HYDIN: variants seen among roughly 807,000 people sequenced by gnomAD.
HYDIN encodes the protein axonemal central pair apparatus protein HYDIN.
Under a neutral mutation model 403.9 loss-of-function variants are expected in HYDIN, and 132 were observed. The ratio of observed to expected loss-of-function variants is 0.33; its 90% CI spans 0.28 to 0.38. The LOEUF (loss-of-function observed/expected upper bound fraction) is 0.38. Among genes scored for constraint, HYDIN ranks in the 10% least tolerant of loss-of-function variants. The probability of loss-of-function intolerance (pLI) is 1.00; values close to 1 mark genes in which losing one functional copy is unlikely to be tolerated. For synonymous variants in HYDIN, 1,202 were observed against 1,891.7 expected (o/e 0.64, Z 9.46); for missense variants, 2,827 against 5,009.5 (o/e 0.56, Z 13.15).
chr16:70,981,656 T>A, intron 28 of HYDIN, 88 bp from the exon 29 acceptor site: 1 of 1,435,252 alleles, frequency 7.0e-7, no homozygotes, highest in Non-Finnish European at 9.2e-7. Context: ...ACAACAACAA[T>A]GACAAAGTAA....
rs778279482 is a variant in HYDIN, at chr16:70,943,937, G to C, written c.6544C>G (p.Pro2182Ala). The C allele has an allele frequency of 1.9e-5, 31 of 1,607,704 alleles. No homozygotes were observed. Among genetic ancestry groups the C allele is most frequent in the South Asian group, 5.6e-5 (5 of 89,872 alleles). Reference protein sequence around the residue: ...QSETPQISSSPLPPGPIHRWL... With the variant: ...QSETPQISSSALPPGPIHRWL... ...CGGTGGATGGGCCCCGGGGGGAGAGGGCTGGAGGAAATCTGTTGAGTGGGA... is the reference window on the plus strand; with the variant it reads ...CGGTGGATGGGCCCCGGGGGGAGAGCGCTGGAGGAAATCTGTTGAGTGGGA... The change falls in exon 42 of 86, where the codon CCT becomes GCT. Residue 2182 changes from proline to alanine, a missense_variant. By Grantham distance (27) the Pro-to-Ala change is conservative. Coordinates refer to ENST00000393567, the MANE Select transcript of HYDIN (RefSeq NM_001270974.2).
At chr16:71,031,477 G>C in intron 19 of HYDIN, 2 of 1,370,932 alleles carry the variant, frequency 1.5e-6, no homozygotes, top group Admixed American at 3.1e-5. Flanking sequence ...ACACGGATTA[G>C]AGAATGCAAC....
intron 30 of HYDIN, among the ~76,000 whole-genome samples, chr16:70,976,735 T>C (rs995822556): frequency 2.6e-5 from 4 of 152,180 alleles, no homozygotes; most frequent in Admixed American, 2.0e-4. Context: ...ATTTTGTATA[T>C]AATAAATAAA....
intron 58 of HYDIN, among the ~76,000 whole-genome samples, chr16:70,888,905 T>G (rs1177048189): frequency 6.6e-6 from 1 of 152,304 alleles, no homozygotes; most frequent in African/African-American, 2.4e-5. Context: ...CTAGGTTAAC[T>G]GTTGTCTTTT....
chr16:70,803,047 G>A lies in HYDIN; in HGVS notation c.*4533C>T, dbSNP rs772604014. On this transcript the variant is annotated 3_prime_UTR_variant, in exon 86 of 86. Transcript: ENST00000393567. ...CAATGTGTGTGCATTTCCACGGGAC[G>A]CATATCTAATATATTTCATGTTTCT... Among the ~76,000 whole-genome samples, 6 of 152,122 alleles carry A rather than the reference G, an allele frequency of 3.9e-5. No homozygotes were observed. Among genetic ancestry groups the A allele is most frequent in the Non-Finnish European group, 7.4e-5 (5 of 68,024 alleles).
rs539727591 is a variant in HYDIN at position 71,077,168 on chromosome 16, C to T, written c.1738+2717G>A. On this transcript the variant is annotated intron_variant, in intron 13 of 85. Transcript: ENST00000393567. ...TTTCACATTGAGCATGTGTAAATTC[C>T]CCTGTAGTCATGGCTTTGTTTCTAT... Among the ~76,000 whole-genome samples the T allele has an allele frequency of 1.2e-3, 175 of 151,576 alleles. 3 individuals carry two copies. In the South Asian group the frequency reaches 0.032, roughly 28 times the overall value.
intron 41 of HYDIN, among the ~76,000 whole-genome samples, chr16:70,948,151 C>T (rs1175732457): frequency 1.3e-4 from 19 of 148,832 alleles, no homozygotes; most frequent in Non-Finnish European, 1.3e-4. Context: ...GAAATAACAC[C>T]GCATATCTAC....
At chr16:71,139,095 G>GAAAAAAA (rs71758936) in intron 7 of HYDIN, among the ~76,000 whole-genome samples, 17 of 103,806 alleles carry the variant, frequency 1.6e-4, no homozygotes, top group East Asian at 6.1e-4. Context: ...AAATAAAGAA[G>GAAAAAAA]AAAAAAAAAA....
At position 70,904,029 on chromosome 16, in the gene HYDIN, G is replaced by A. The variant is rs377315163; in HGVS notation, c.8552C>T (p.Thr2851Met). ...KSSLFPGNMETLTILNTSLMV... is the reference protein window; with the variant it reads ...KSSLFPGNMEMLTILNTSLMV... ...TAAGGAAGTGTTCAGGATTGTTAGCGTCTCCATGTTGCCTGGGAATAAGGA... is the reference window on the plus strand; with the variant it reads ...TAAGGAAGTGTTCAGGATTGTTAGCATCTCCATGTTGCCTGGGAATAAGGA... The change falls in exon 51 of 86, where the codon ACG becomes ATG. Residue 2851 changes from threonine to methionine, a missense_variant. Thr to Met is a moderately conservative substitution (Grantham distance 81). Coordinates refer to ENST00000393567, the MANE Select transcript of HYDIN (RefSeq NM_001270974.2). The A allele has an allele frequency of 3.3e-5, 48 of 1,457,608 alleles. No individual in the cohort carries two copies. The highest frequency in any genetic ancestry group is 4.9e-5 in the South Asian group (4 of 81,934). 90.3% of individuals were successfully genotyped at this position (1,457,608 alleles called of 1,614,324 possible).
chr16:70,959,041 T>C (rs539368187), intron 39 of HYDIN, among the ~76,000 whole-genome samples: 3 of 151,970 alleles, frequency 2.0e-5, no homozygotes, highest in South Asian at 2.1e-4. Flanking sequence ...CAAATTACTA[T>C]ACAAATAAGA....
intron 12 of HYDIN, chr16:71,080,885 T>C (rs1349658606): frequency 6.6e-6 from 1 of 151,390 alleles, no homozygotes; most frequent in African/African-American, 2.4e-5. Flanking sequence ...AGTGCTGCAA[T>C]CTGAGAACTC....
At chr16:71,002,953 T>C (rs377673239) in intron 23 of HYDIN, among the ~76,000 whole-genome samples, 2,207 of 152,132 alleles carry the variant, frequency 0.015, 55 homozygotes, top group African/African-American at 0.051. Context: ...GGATTACAGG[T>C]GTGATTTTGT....
Position 70,974,033 on chromosome 16 carries a change from T to C in HYDIN, c.5038-13A>G. 1.3e-6 allele frequency: 1 copy of C among 746,864 alleles called. No homozygotes were observed. Among genetic ancestry groups the C allele is most frequent in the African/African-American group, 1.9e-5 (1 of 52,714 alleles). The allele number at this position is 746,864 out of a possible 1,614,324, so 46.3% of individuals were successfully genotyped here. On this transcript the variant is annotated splice_polypyrimidine_tract_variant and intron_variant, in intron 33 of 85. Transcript: ENST00000393567. ...GCCCTCCAACCACCTAGAGAGGGTA[T>C]AAACTGCAGTTATCATGTGTCATGG...
At chr16:71,219,332 ATGCATTGCCAGTGAAATTACAAGAGAT>A (rs1265775829) in intron 1 of HYDIN, among the ~76,000 whole-genome samples, 1 of 152,160 alleles carries the variant, frequency 6.6e-6, no homozygotes, top group Non-Finnish European at 1.5e-5. Context: ...GGGCAGATTT[ATGCATTGCCAGTGAAATTACAAGAGAT>A]TGCTTTTTCT....
chr16:71,209,990 C>T (rs183382603), intron 1 of HYDIN, among the ~76,000 whole-genome samples: 105 of 152,284 alleles, frequency 6.9e-4, no homozygotes, highest in Non-Finnish European at 8.8e-5. Context: ...AGTGCTATTC[C>T]TATCATACTA....
At chr16:70,829,254 G>T (rs1174984274) in intron 81 of HYDIN, among the ~76,000 whole-genome samples, 1 of 133,450 alleles carries the variant, frequency 7.5e-6, no homozygotes, top group African/African-American at 3.1e-5. Flanking sequence ...ATTTTTTTGA[G>T]ATGGAGTCTC....
At chr16:71,043,361 T>A (rs2081347728) in intron 18 of HYDIN, among the ~76,000 whole-genome samples, 1 of 150,878 alleles carries the variant, frequency 6.6e-6, no homozygotes, top group African/African-American at 2.4e-5. Context: ...CTTCAATTAT[T>A]TCTTGGGTAA....
At chr16:71,227,114 T>C (rs377343213) in intron 1 of HYDIN, among the ~76,000 whole-genome samples, 22 of 151,988 alleles carry the variant, frequency 1.4e-4, no homozygotes, top group African/African-American at 5.1e-4. Flanking sequence ...AATATCTGAC[T>C]TTTGTCATAT....
At chr16:71,043,444 C>T (rs1158321998) in intron 18 of HYDIN, among the ~76,000 whole-genome samples, 1 of 133,822 alleles carries the variant, frequency 7.5e-6, no homozygotes, top group Non-Finnish European at 1.7e-5. Context: ...AACAAACTGC[C>T]TCATTTTCTT....
Sources: allele counts gnomAD v4.1 joint callset (sites outside exome capture counted in the v4.1 genomes callset), GRCh38; gene constraint gnomAD v4.1.1; transcripts MANE v1.5; gene names NCBI Gene and HGNC (gene_info 2026-07-23, HGNC 2026-07-21).